The following AARS1 variants were observed in gnomAD, a reference collection of about 807,000 sequenced individuals.
The protein encoded by AARS1 is alanine--tRNA ligase, cytoplasmic.
In AARS1, 72 loss-of-function variants were observed where a neutral mutation model predicts 108.9. The observed-to-expected ratio is 0.66, with a 90% CI of 0.55 to 0.80. The LOEUF (loss-of-function observed/expected upper bound fraction) is 0.80, where lower values mean the gene tolerates loss of function less well. Among genes scored for constraint, AARS1 ranks in the 30% least tolerant of loss-of-function variants. The probability of loss-of-function intolerance (pLI) is 0.00; values close to 1 mark genes in which losing one functional copy is unlikely to be tolerated. For missense variants in AARS1, 1,193 were observed against 1,233.2 expected (o/e 0.97, Z 0.49); for synonymous variants, 489 against 465.7 (o/e 1.05, Z -0.64).
intron 16 of AARS1, among the ~76,000 whole-genome samples, chr16:70,255,263 G>A (rs916187381): frequency 1.4e-5 from 2 of 145,926 alleles, no homozygotes; most frequent in East Asian, 2.0e-4. Context: ...GCAGTGGTGC[G>A]ATCTCGGCTC....
chr16:70,261,853 G>A (rs768341360), intron 12 of AARS1, among the ~76,000 whole-genome samples: 4 of 151,802 alleles, frequency 2.6e-5, no homozygotes, highest in Non-Finnish European at 5.9e-5. Flanking sequence ...TATGTCAGTA[G>A]AGACAGGGTT....
intron 2 of AARS1, among the ~76,000 whole-genome samples, chr16:70,281,168 TACTA>T (rs1415086837): frequency 2.6e-5 from 4 of 152,014 alleles, no homozygotes; most frequent in African/African-American, 4.8e-5. Context: ...AAATAAACCG[TACTA>T]ACTAATAAAT....
intron 9 of AARS1, 80 bp downstream of exon 9, chr16:70,267,579 A>C: frequency 6.4e-7 from 1 of 1,553,460 alleles, no homozygotes; most frequent in Non-Finnish European, 8.9e-7. Context: ...GAGAGCCCAC[A>C]GTCAGTCTGT....
At chr16:70,255,915 G>A in intron 15 of AARS1, 79 bp from the exon 16 acceptor site, 2 of 1,351,110 alleles carry the variant, frequency 1.5e-6, no homozygotes. Flanking sequence ...GCGGACAAGA[G>A]AAGCAGGAAT....
intron 5 of AARS1, among the ~76,000 whole-genome samples, chr16:70,270,837 C>CAA (rs1158290824): frequency 3.9e-4 from 21 of 53,430 alleles, no homozygotes; most frequent in African/African-American, 1.1e-3. Flanking sequence ...AACTCCATCT[C>CAA]AAAAAAAAAA....
intron 2 of AARS1, 96 bp downstream of exon 2, chr16:70,282,524 G>T: frequency 1.4e-6 from 2 of 1,475,470 alleles, no homozygotes; most frequent in South Asian, 1.1e-5. Context: ...GGGAGTGACA[G>T]AACCAGAATC....
At chr16:70,287,256 A>AT (rs1960869577) in intron 1 of AARS1, among the ~76,000 whole-genome samples, 1 of 58,544 alleles carries the variant, frequency 1.7e-5, no homozygotes, top group African/African-American at 6.5e-5. Context: ...CTCCGTCTCA[A>AT]AAAAAAAAAA....
intron 13 of AARS1, among the ~76,000 whole-genome samples, chr16:70,260,724 G>A (rs1314552985): frequency 6.6e-6 from 1 of 151,628 alleles, no homozygotes; most frequent in Non-Finnish European, 1.5e-5. Context: ...GTGCAGTGGC[G>A]GGATCTTGGC....
Position 70,259,414 on chromosome 16 carries a change from C to A in AARS1, c.1786-228G>T, listed in dbSNP as rs374666253. Among the ~76,000 whole-genome samples the A allele has an allele frequency of 8.5e-5, 13 of 152,276 alleles. No individual in the cohort carries two copies. The East Asian group carries it at 2.5e-3, about 29-fold the overall frequency. Reference sequence around the variant, plus strand: ...CCATTAAAGGGATGGGGCAGGTCCTCCCATTTCTTTTCCACCGCCTAGAAC... The same window carrying A: ...CCATTAAAGGGATGGGGCAGGTCCTACCATTTCTTTTCCACCGCCTAGAAC... On this transcript the variant is annotated intron_variant, in intron 13 of 20. Transcript: ENST00000261772.
At chr16:70,272,772 A>T (rs1960439881) in intron 4 of AARS1, among the ~76,000 whole-genome samples, 1 of 147,544 alleles carries the variant, frequency 6.8e-6, no homozygotes, top group African/African-American at 2.7e-5. Context: ...ACAAAAAAAA[A>T]TTAGCTGGGG....
intron 2 of AARS1, among the ~76,000 whole-genome samples, chr16:70,281,802 G>C (rs888708627): frequency 3.3e-5 from 5 of 152,000 alleles, no homozygotes; most frequent in African/African-American, 1.2e-4. Context: ...CAGCATGCTA[G>C]GATCATGCCA....
At chr16:70,281,857 A>T (rs1597448257) in intron 2 of AARS1, among the ~76,000 whole-genome samples, 2 of 151,896 alleles carry the variant, frequency 1.3e-5, no homozygotes, top group Admixed American at 1.3e-4. Flanking sequence ...CTCTCTAAAA[A>T]ATAATAATAG....
At chr16:70,264,506 G>A (rs1311365317) in intron 11 of AARS1, among the ~76,000 whole-genome samples, 2 of 151,850 alleles carry the variant, frequency 1.3e-5, no homozygotes, top group African/African-American at 4.8e-5. Context: ...TAGTAGAGAT[G>A]GGGTTTCATC....
intron 7 of AARS1, 48 bp from the exon 8 acceptor site, chr16:70,268,427 G>A: frequency 1.3e-6 from 2 of 1,534,950 alleles, no homozygotes; most frequent in Non-Finnish European, 9.0e-7. Context: ...TGAGGGTTTT[G>A]TCTTGAGTCC....
rs1960315622 is a variant in AARS1 at position 70,268,327 on chromosome 16, G to C, written c.1015C>G (p.Leu339Val). 1 of 1,614,188 alleles carries C rather than the reference G, an allele frequency of 6.2e-7. No individual in the cohort carries two copies. Among genetic ancestry groups the C allele is most frequent in the African/African-American group, 1.3e-5 (1 of 75,054 alleles). ...RRAVRYAHEK[L>V]NASRGFFATL... ...GCAAAGAAGCCCCTGCTGGCATTGA[G>C]CTTTTCATGGGCGTATCGGACAGCT... Residue 339 changes from leucine to valine, a missense_variant, in exon 8 of 21, where the codon CTC (leucine) becomes GTC (valine). Physicochemically the swap from Leu to Val is conservative, Grantham distance 32. Transcript: ENST00000261772.
At position 70,274,681 on chromosome 16, in the gene AARS1, G is replaced by A. The variant is rs537761344; in HGVS notation, c.479+1805C>T. Among the ~76,000 whole-genome samples, 26 of 144,640 alleles carry A rather than the reference G, an allele frequency of 1.8e-4. No homozygotes were observed. In the South Asian group the frequency reaches 4.5e-3, roughly 25 times the overall value. The allele number at this position is 144,640 out of a possible 152,430, so 94.9% of individuals were successfully genotyped here. On this transcript the variant is annotated intron_variant, in intron 4 of 20. Coordinates refer to ENST00000261772, the MANE Select transcript of AARS1 (RefSeq NM_001605.3). ...AGAGGTTGCAGTGAGCTGAGATCGC[G>A]TCATTGCACTCCAGCTCTGGGCGAC...
chr16:70,259,048 C>G lies in AARS1; in HGVS notation c.1924G>C (p.Gly642Arg). The change falls in exon 14 of 21, where the codon GGA becomes CGA. Residue 642 changes from glycine (G) to arginine (R), a missense_variant. Transcript: ENST00000261772. The stretch of plus-strand genomic sequence containing the variant: ...TTGATCTGTTGGGTGGACATGGCTC[C>G]CTTGGCAGTAAAGTCAAATCTGAGG... ...DRLRFDFTAK[G>R]AMSTQQIKKA... 6.2e-7 allele frequency: 1 copy of G among 1,614,124 alleles called. No homozygotes were observed. The highest frequency in any genetic ancestry group is 8.5e-7 in the Non-Finnish European group (1 of 1,180,026).
chr16:70,278,349 T>A (rs1960602737), intron 2 of AARS1, among the ~76,000 whole-genome samples: 1 of 151,980 alleles, frequency 6.6e-6, no homozygotes, highest in African/African-American at 2.4e-5. Flanking sequence ...GCGGATCACC[T>A]GAGGTCGGGA....
Position 70,264,945 on chromosome 16 carries a change from C to G in AARS1, c.1492+13G>C. On this transcript the variant is annotated intron_variant, in intron 11 of 20. Coordinates refer to ENST00000261772, the MANE Select transcript of AARS1 (RefSeq NM_001605.3). ...GCAGAATGCTCAGATGTGGAAGGAG[C>G]ACAGCAACATACCATAGCTACCACT... is the stretch of plus-strand genomic sequence containing the variant. 6.2e-7 allele frequency: 1 copy of G among 1,614,006 alleles called. No individual in the cohort carries two copies. Among genetic ancestry groups the G allele is most frequent in the Non-Finnish European group, 8.5e-7 (1 of 1,179,976 alleles).
Sources: allele counts gnomAD v4.1 joint callset (sites outside exome capture counted in the v4.1 genomes callset), GRCh38; gene constraint gnomAD v4.1.1; transcripts MANE v1.5; gene names NCBI Gene and HGNC (gene_info 2026-07-23, HGNC 2026-07-21).